The following CSMD1 variants were observed in gnomAD, a reference collection of about 807,000 sequenced individuals.
The protein encoded by CSMD1 is CUB and Sushi multiple domains 1, also known as CUB and sushi domain-containing protein 1.
A neutral mutation model predicts 417.5 loss-of-function variants in CSMD1; 213 were observed. The observed-to-expected ratio is 0.51, with a 90% CI of 0.46 to 0.57. The LOEUF is 0.57. CSMD1 is among the 20% of genes least tolerant of loss of function. CSMD1 has a pLI of 0.00. For missense variants in CSMD1, 6,923 were observed against 4,529.7 expected, an observed-to-expected ratio of 1.53 and a Z score of -15.17; for synonymous variants, 2,862 against 1,736.8, an observed-to-expected ratio of 1.65 and a Z score of -16.11.
At chr8:4,490,517 C>T (rs567277227) in intron 2 of CSMD1, among the ~76,000 whole-genome samples, 1 of 152,248 alleles carries the variant, frequency 6.6e-6, no homozygotes, top group East Asian at 1.9e-4. Context: ...ATTTTTTAAA[C>T]ACCAGCCACG....
At chr8:3,618,897 G>C (rs10107576) in intron 7 of CSMD1, among the ~76,000 whole-genome samples, 24,346 of 152,166 alleles carry the variant, frequency 0.16, 2,113 homozygotes, top group Admixed American at 0.23. Flanking sequence ...AGAGAAAGTG[G>C]CTGGCAGCAC....
chr8:3,568,758 T>G (rs1267259233), intron 10 of CSMD1, among the ~76,000 whole-genome samples: 1 of 152,114 alleles, frequency 6.6e-6, no homozygotes, highest in Non-Finnish European at 1.5e-5. Context: ...TATGCATGCA[T>G]ACATTTATAC....
At chr8:3,892,360 C>T (rs1006828876) in intron 5 of CSMD1, among the ~76,000 whole-genome samples, 7 of 152,024 alleles carry the variant, frequency 4.6e-5, no homozygotes, top group South Asian at 2.1e-4. Context: ...GTGTGGGGAA[C>T]GTATTATGCT....
chr8:4,087,624 C>T (rs1303998435), intron 3 of CSMD1, among the ~76,000 whole-genome samples: 1 of 152,116 alleles, frequency 6.6e-6, no homozygotes, highest in Non-Finnish European at 1.5e-5. Context: ...CCAAATCTTT[C>T]TTCTTCGATA....
At position 4,799,455 on chromosome 8, in the gene CSMD1, G is replaced by A. The variant is rs536211050; in HGVS notation, c.86-161897C>T. Among the ~76,000 whole-genome samples the A allele has an allele frequency of 3.9e-5, 6 of 151,906 alleles. No homozygotes were observed. In the South Asian group the frequency reaches 1.2e-3, roughly 32 times the overall value. Reference sequence around the variant, plus strand: ...CTACTAAAAATACAAAAATTAGCCAGGCGCGTAATGGTGTGTGCCTGTAGC... The same window carrying A: ...CTACTAAAAATACAAAAATTAGCCAAGCGCGTAATGGTGTGTGCCTGTAGC... On this transcript the variant is annotated intron_variant, in intron 1 of 69. Transcript: ENST00000635120.
chr8:3,745,907 G>A (rs962330115), intron 6 of CSMD1, among the ~76,000 whole-genome samples: 78 of 152,238 alleles, frequency 5.1e-4, no homozygotes, highest in Admixed American at 1.5e-3. Flanking sequence ...ACAGCAGCTC[G>A]CCAACCTGGT....
At chr8:4,483,152 T>C (rs771415623) in intron 2 of CSMD1, among the ~76,000 whole-genome samples, 4 of 152,130 alleles carry the variant, frequency 2.6e-5, no homozygotes, top group Non-Finnish European at 5.9e-5. Flanking sequence ...TGAGATCCGA[T>C]GGTTTGATAA....
chr8:3,757,785 G>A (rs773228904), intron 5 of CSMD1, among the ~76,000 whole-genome samples: 11 of 151,908 alleles, frequency 7.2e-5, no homozygotes, highest in Admixed American at 5.9e-4. Context: ...GGAGGCAGAG[G>A]TTGCAGTGAG....
intron 26 of CSMD1, among the ~76,000 whole-genome samples, chr8:3,276,401 T>G (rs1326311648): frequency 6.6e-6 from 1 of 152,210 alleles, no homozygotes; most frequent in African/African-American, 2.4e-5. Flanking sequence ...GCTGTTCCTA[T>G]TCGTTCATCT....
intron 1 of CSMD1, among the ~76,000 whole-genome samples, chr8:4,905,574 C>T (rs1383774748): frequency 6.6e-6 from 1 of 151,962 alleles, no homozygotes; most frequent in African/African-American, 2.4e-5. Flanking sequence ...AATCCCAGCA[C>T]TTTGGGAGGC....
intron 40 of CSMD1, among the ~76,000 whole-genome samples, chr8:3,144,520 G>A (rs547217244): frequency 2.4e-4 from 37 of 152,056 alleles, no homozygotes; most frequent in South Asian, 2.1e-3. Flanking sequence ...TTCATATCAC[G>A]TTGTCCAAGT....
chr8:4,446,765 GT>G (rs1798831201), intron 2 of CSMD1, among the ~76,000 whole-genome samples: 4 of 94,418 alleles, frequency 4.2e-5, no homozygotes, highest in Non-Finnish European at 7.8e-5. Context: ...CTGTGTGTGT[GT>G]GTGTGTGTGT....
intron 3 of CSMD1, among the ~76,000 whole-genome samples, chr8:4,068,784 T>C (rs1799392339): frequency 6.6e-6 from 1 of 152,222 alleles, no homozygotes; most frequent in African/African-American, 2.4e-5. Context: ...GATTAGAATA[T>C]TACATAATAA....
In CSMD1 at chr8:3,032,594, C is replaced by A. The variant is rs891310805; in HGVS notation, c.7661-3081G>T. ...AAATAAAAACAGAACATTTTACAAC[C>A]CCCAAACACCTACCCCAGTCTACTG... On this transcript the variant is annotated intron_variant, in intron 50 of 69. Coordinates refer to ENST00000635120, the MANE Select transcript of CSMD1 (RefSeq NM_033225.6). 3.3e-5 allele frequency among the ~76,000 whole-genome samples: 5 copies of A among 152,070 alleles called. No individual in the cohort carries two copies. In the East Asian group the frequency reaches 7.7e-4, roughly 24 times the overall value.
intron 1 of CSMD1, among the ~76,000 whole-genome samples, chr8:4,693,403 G>T (rs1333182512): frequency 1.3e-5 from 2 of 152,168 alleles, no homozygotes; most frequent in African/African-American, 4.8e-5. Context: ...ACTTCCTGGA[G>T]GTGTGTTCTG....
chr8:3,368,422 C>T (rs893072330), intron 19 of CSMD1, among the ~76,000 whole-genome samples: 2 of 152,104 alleles, frequency 1.3e-5, no homozygotes, highest in African/African-American at 4.8e-5. Flanking sequence ...CTGCAACTTC[C>T]GCCTCCTGGG....
At chr8:3,270,684 A>G (rs17079722) in intron 26 of CSMD1, among the ~76,000 whole-genome samples, 40,909 of 152,072 alleles carry the variant, frequency 0.27, 5,774 homozygotes, top group African/African-American at 0.34. Flanking sequence ...TAATAAACAT[A>G]CAAAACCATT....
At chr8:4,217,370 T>C (rs535170461) in intron 3 of CSMD1, among the ~76,000 whole-genome samples, 1 of 152,320 alleles carries the variant, frequency 6.6e-6, no homozygotes, top group South Asian at 2.1e-4. Context: ...TCTCTAATAT[T>C]AGGGAACTTC....
intron 10 of CSMD1, among the ~76,000 whole-genome samples, chr8:3,550,855 T>A (rs1330466833): frequency 6.6e-6 from 1 of 152,196 alleles, no homozygotes; most frequent in South Asian, 2.1e-4. Flanking sequence ...ATAGGGTGTA[T>A]GCAATATGCA....
Sources: gnomAD v4.1 joint callset for allele counts (sites outside exome capture counted in the v4.1 genomes callset) on GRCh38, gnomAD v4.1.1 for gene constraint, MANE v1.5 for transcripts, NCBI Gene and HGNC (gene_info 2026-07-23, HGNC 2026-07-21) for gene names.